Variants in CDH8 observed in about 807,000 individuals in gnomAD.
CDH8 encodes cadherin-8.
Under a neutral mutation model 68.1 loss-of-function variants are expected in CDH8, and 17 were observed. That is an observed-to-expected ratio of 0.25 (90% confidence interval 0.17 to 0.37). The LOEUF is 0.37. Among genes scored for constraint, CDH8 ranks in the 10% least tolerant of loss-of-function variants. The pLI is 1.00. For missense variants in CDH8, 763 were observed against 999.3 expected, an observed-to-expected ratio of 0.76 and a Z score of 3.19; for synonymous variants, 372 against 365.1, an observed-to-expected ratio of 1.02 and a Z score of -0.21.
At chr16:61,716,745 T>G (rs7197654) in intron 9 of CDH8, among the ~76,000 whole-genome samples, 21,158 of 151,682 alleles carry the variant, frequency 0.14, 1,567 homozygotes, top group African/African-American at 0.2. Flanking sequence ...TGATTAAGAT[T>G]TTTGGTTAAA....
intron 3 of CDH8, among the ~76,000 whole-genome samples, chr16:61,870,744 T>C (rs1963340988): frequency 1.3e-5 from 2 of 152,256 alleles, no homozygotes; most frequent in African/African-American, 4.8e-5. Context: ...CCCAACATGG[T>C]TGGGGTTTTC....
intron 2 of CDH8, among the ~76,000 whole-genome samples, chr16:62,016,567 A>G (rs1241075454): frequency 1.3e-4 from 20 of 152,218 alleles, no homozygotes; most frequent in Admixed American, 1.3e-3. Context: ...AGAACAAATA[A>G]GCATAATTGG....
intron 10 of CDH8, among the ~76,000 whole-genome samples, chr16:61,702,020 T>C (rs2091256164): frequency 6.6e-6 from 1 of 152,252 alleles, no homozygotes; most frequent in East Asian, 1.9e-4. Flanking sequence ...TTGTGCGAGG[T>C]TGAGTCAGGA....
chr16:61,670,926 G>A (rs547290106), intron 10 of CDH8, among the ~76,000 whole-genome samples: 4 of 152,080 alleles, frequency 2.6e-5, no homozygotes, highest in African/African-American at 9.6e-5. Flanking sequence ...CTTATGAATT[G>A]TTTATTTCTG....
chr16:61,671,210 G>A (rs1457503804), intron 10 of CDH8, among the ~76,000 whole-genome samples: 1 of 152,006 alleles, frequency 6.6e-6, no homozygotes, highest in African/African-American at 2.4e-5. Context: ...AATTTCTGGG[G>A]ATGGGCCCTG....
At chr16:61,760,116 G>A (rs1300460769) in intron 8 of CDH8, among the ~76,000 whole-genome samples, 28 of 152,004 alleles carry the variant, frequency 1.8e-4, no homozygotes, top group Admixed American at 1.8e-3. Context: ...GGGTCTTCCA[G>A]CCTGTGTAAA....
chr16:61,849,425 T>G (rs1377875286), intron 4 of CDH8, among the ~76,000 whole-genome samples: 1 of 152,164 alleles, frequency 6.6e-6, no homozygotes, highest in African/African-American at 2.4e-5. Context: ...CTATTGGCCT[T>G]GTGCCTAATA....
At chr16:61,983,202 T>C (rs924871114) in intron 2 of CDH8, among the ~76,000 whole-genome samples, 2 of 152,222 alleles carry the variant, frequency 1.3e-5, no homozygotes, top group African/African-American at 4.8e-5. Context: ...CTTTAGAGTT[T>C]AACCTCATGT....
At chr16:61,796,192 GAA>G (rs1453796260) in intron 7 of CDH8, among the ~76,000 whole-genome samples, 1 of 151,858 alleles carries the variant, frequency 6.6e-6, no homozygotes, top group African/African-American at 2.4e-5. Context: ...GAGAAAAAGA[GAA>G]AGAAAAAAAT....
At chr16:61,992,529 C>T (rs1965744070) in intron 2 of CDH8, among the ~76,000 whole-genome samples, 1 of 151,448 alleles carries the variant, frequency 6.6e-6, no homozygotes. Flanking sequence ...CAGCATGGCA[C>T]ATGTATACAT....
intron 2 of CDH8, among the ~76,000 whole-genome samples, chr16:61,939,809 G>T (rs1964683686): frequency 6.6e-6 from 1 of 152,180 alleles, no homozygotes; most frequent in South Asian, 2.1e-4. Context: ...GTAAATAGCT[G>T]TCACTAACGG....
chr16:61,664,898 G>A (rs146836320), intron 10 of CDH8, among the ~76,000 whole-genome samples: 123 of 151,956 alleles, frequency 8.1e-4, no homozygotes, highest in South Asian at 5.4e-3. Flanking sequence ...TTGATATTTC[G>A]TCCTTGAAGC....
intron 2 of CDH8, among the ~76,000 whole-genome samples, chr16:61,955,640 G>C (rs950571630): frequency 1.3e-5 from 2 of 151,908 alleles, no homozygotes; most frequent in African/African-American, 4.8e-5. Flanking sequence ...TTACAAGAAA[G>C]AGTTTATCAT....
At chr16:61,726,884 C>G in intron 9 of CDH8, 1 of 539,954 alleles carries the variant, frequency 1.9e-6, no homozygotes, top group South Asian at 2.9e-5. Context: ...GCAGGTTGTT[C>G]CACTTTAGGA....
chr16:62,027,843 C>T lies in CDH8; in HGVS notation c.-199-6241G>A, dbSNP rs114497968. On this transcript the variant is annotated intron_variant, in intron 1 of 11. Coordinates refer to ENST00000577390, the MANE Select transcript of CDH8 (RefSeq NM_001796.5). Reference sequence around the variant, plus strand: ...TCCTAAAGCCTTCAGAATTCTCTAACCAGATTCCCTTGGCAGAAACATATT... The same window carrying T: ...TCCTAAAGCCTTCAGAATTCTCTAATCAGATTCCCTTGGCAGAAACATATT... 5.1e-3 allele frequency among the ~76,000 whole-genome samples: 771 copies of T among 152,192 alleles called. 10 individuals carry two copies. Among genetic ancestry groups the T allele is most frequent in the African/African-American group, 0.017 (701 of 41,506 alleles).
At chr16:61,666,298 GA>G (rs1194438034) in intron 10 of CDH8, among the ~76,000 whole-genome samples, 1 of 151,764 alleles carries the variant, frequency 6.6e-6, no homozygotes, top group Non-Finnish European at 1.5e-5. Context: ...ATGAAAAAGG[GA>G]AATACTCTAT....
In CDH8 at chr16:62,006,902, T is replaced by C. The variant is rs147001503; in HGVS notation, c.252+14250A>G. On this transcript the variant is annotated intron_variant, in intron 2 of 11. Coordinates refer to ENST00000577390, the MANE Select transcript of CDH8 (RefSeq NM_001796.5). The stretch of plus-strand genomic sequence containing the variant: ...GCCAATATTTCAAAAGCCCATTTCA[T>C]AATCTTTTTGTTTTTTTTTTTTTGA... 4.1e-3 allele frequency among the ~76,000 whole-genome samples: 463 copies of C among 111,580 alleles called. 1 individual carries two copies. The highest frequency in any genetic ancestry group is 0.016 in the African/African-American group (443 of 28,262). 73.2% of individuals were successfully genotyped at this position (111,580 alleles called of 152,430 possible).
At chr16:61,889,772 T>G (rs559771774) in intron 3 of CDH8, among the ~76,000 whole-genome samples, 3 of 152,290 alleles carry the variant, frequency 2.0e-5, no homozygotes, top group Admixed American at 2.0e-4. Flanking sequence ...AAGATTTGCC[T>G]TTTTATCTTC....
rs1963890800 is a variant in CDH8 at position 61,675,624 on chromosome 16, A to AT, written c.1655-19904_1655-19903insA. On this transcript the variant is annotated intron_variant, in intron 10 of 11. Coordinates refer to ENST00000577390, the MANE Select transcript of CDH8 (RefSeq NM_001796.5). Reference sequence around the variant, plus strand: ...TAAAAAAAAATAAAAAAAATAAAAAAAATAAAAAAAAATAAAAATAGTGTT... The same window carrying AT: ...TAAAAAAAAATAAAAAAAATAAAAAATAATAAAAAAAAATAAAAATAGTGTT... 7.6e-5 allele frequency among the ~76,000 whole-genome samples: 5 copies of AT among 65,804 alleles called. 1 individual carries two copies. The highest frequency in any genetic ancestry group is 6.2e-4 in the Admixed American group (5 of 8,004). The allele number at this position is 65,804 out of a possible 152,430, so 43.2% of individuals were successfully genotyped here.
Sources: allele counts gnomAD v4.1 joint callset (sites outside exome capture counted in the v4.1 genomes callset), GRCh38; gene constraint gnomAD v4.1.1; transcripts MANE v1.5; gene names NCBI Gene and HGNC (gene_info 2026-07-23, HGNC 2026-07-21).